Variants in SUGCT observed in about 807,000 individuals in gnomAD.
SUGCT encodes succinyl-CoA:glutarate CoA-transferase.
SUGCT carries 41 observed loss-of-function variants against 55.0 expected under a neutral mutation model. The ratio of observed to expected loss-of-function variants is 0.74; its 90% CI spans 0.58 to 0.97. SUGCT has a LOEUF of 0.97. SUGCT is among the 50% of genes least tolerant of loss of function. The pLI is 0.00. For synonymous variants in SUGCT, 187 were observed against 200.4 expected (o/e 0.93, Z 0.56); for missense variants, 568 against 547.8 (o/e 1.04, Z -0.37).
chr7:40,701,158 T>C (rs1785157293), intron 12 of SUGCT, among the ~76,000 whole-genome samples: 1 of 152,216 alleles, frequency 6.6e-6, no homozygotes, highest in Admixed American at 6.5e-5. Flanking sequence ...GAAACGTTTG[T>C]TGGGCTTCGT....
downstream of SUGCT, among the ~76,000 whole-genome samples, chr7:40,865,625 G>T (rs183154598): frequency 1.8e-3 from 270 of 152,312 alleles, 1 homozygote; most frequent in African/African-American, 6.1e-3. Context: ...AACAGCTTGG[G>T]TCTTGCTGTT....
intron 12 of SUGCT, among the ~76,000 whole-genome samples, chr7:40,748,408 T>C (rs1274250229): frequency 1.3e-5 from 2 of 152,064 alleles, no homozygotes; most frequent in Admixed American, 1.3e-4. Flanking sequence ...TATGATTGTA[T>C]ATGATTGTTT....
intron 7 of SUGCT, among the ~76,000 whole-genome samples, chr7:40,263,903 A>AT (rs200542575): frequency 2.8e-4 from 41 of 144,982 alleles, no homozygotes; most frequent in East Asian, 1.0e-3. Context: ...TCAATTCGTC[A>AT]TTTTTTTTTT....
chr7:40,823,496 T>C (rs970844407), intron 13 of SUGCT, among the ~76,000 whole-genome samples: 1 of 152,146 alleles, frequency 6.6e-6, no homozygotes, highest in Non-Finnish European at 1.5e-5. Flanking sequence ...TAACTGTCGT[T>C]TCACATGTGT....
At chr7:40,992,266 C>T in the SUGCT span, among the ~76,000 whole-genome samples, 2 of 152,270 alleles carry the variant, frequency 1.3e-5, no homozygotes, top group African/African-American at 2.4e-5. Flanking sequence ...TATAAACTGT[C>T]ATGACACTGG....
chr7:40,822,534 C>A (rs1792078403), intron 13 of SUGCT, among the ~76,000 whole-genome samples: 1 of 152,028 alleles, frequency 6.6e-6, no homozygotes, highest in Non-Finnish European at 1.5e-5. Context: ...TTCTTTGTCC[C>A]TTTTGATCTT....
chr7:41,033,183 T>C, the SUGCT span, among the ~76,000 whole-genome samples: 4 of 152,324 alleles, frequency 2.6e-5, no homozygotes, highest in Admixed American at 1.3e-4. Context: ...CAGGAACCAT[T>C]AGCTCTCTCA....
intron 11 of SUGCT, among the ~76,000 whole-genome samples, chr7:40,463,775 T>C (rs1490597530): frequency 6.6e-6 from 1 of 152,186 alleles, no homozygotes; most frequent in African/African-American, 2.4e-5. Flanking sequence ...GTAGAAGACT[T>C]TCCCCTGGAG....
chr7:40,272,182 A>ATG (rs1792101173), intron 7 of SUGCT, among the ~76,000 whole-genome samples: 1 of 65,620 alleles, frequency 1.5e-5, no homozygotes, highest in Non-Finnish European at 2.8e-5. Context: ...ATATATATAT[A>ATG]TATATATATA....
chr7:40,224,304 T>C (rs1788200851), intron 6 of SUGCT, among the ~76,000 whole-genome samples: 1 of 152,114 alleles, frequency 6.6e-6, no homozygotes, highest in African/African-American at 2.4e-5. Context: ...TGAAGACAAA[T>C]TTTGCGATTT....
intron 11 of SUGCT, among the ~76,000 whole-genome samples, chr7:40,467,223 A>C (rs1030395840): frequency 6.6e-6 from 1 of 151,500 alleles, no homozygotes; most frequent in Admixed American, 6.6e-5. Context: ...AAAAAAAAAA[A>C]AAAGCATGAA....
chr7:40,765,371 A>T (rs1414759510), intron 13 of SUGCT, among the ~76,000 whole-genome samples: 1 of 151,972 alleles, frequency 6.6e-6, no homozygotes, highest in Non-Finnish European at 1.5e-5. Context: ...AACAAAAAAA[A>T]TGGCTTGAAA....
At chr7:40,813,568 G>T (rs917638316) in intron 13 of SUGCT, among the ~76,000 whole-genome samples, 1 of 152,114 alleles carries the variant, frequency 6.6e-6, no homozygotes, top group Non-Finnish European at 1.5e-5. Context: ...TTGTGTGGTG[G>T]ATCTTCCTCC....
chr7:40,429,792 G>T (rs1583658633), intron 9 of SUGCT, among the ~76,000 whole-genome samples: 1 of 152,112 alleles, frequency 6.6e-6, no homozygotes, highest in East Asian at 1.9e-4. Flanking sequence ...AAAATATTTT[G>T]CATCATTCAA....
At chr7:40,524,536 A>G (rs368454387) in intron 12 of SUGCT, among the ~76,000 whole-genome samples, 5 of 152,082 alleles carry the variant, frequency 3.3e-5, no homozygotes, top group African/African-American at 1.2e-4. Context: ...TCTCCCTCCA[A>G]TTCTTTCTGT....
At chr7:40,338,951 G>A (rs1796882620) in intron 9 of SUGCT, among the ~76,000 whole-genome samples, 1 of 152,168 alleles carries the variant, frequency 6.6e-6, no homozygotes. Context: ...CTGTTTGTTA[G>A]TTTTCCTTCT....
chr7:40,364,885 A>G (rs1395042895), intron 9 of SUGCT, among the ~76,000 whole-genome samples: 5 of 152,178 alleles, frequency 3.3e-5, no homozygotes, highest in Admixed American at 2.6e-4. Context: ...CAATAGAAAA[A>G]GAGGGAATCC....
At chr7:40,983,358 T>C in the SUGCT span, among the ~76,000 whole-genome samples, 1 of 152,220 alleles carries the variant, frequency 6.6e-6, no homozygotes, top group Admixed American at 6.5e-5. Context: ...CTGTATTGTA[T>C]TACTTTCTTT....
chr7:40,320,574 A>G (rs1236201894), intron 9 of SUGCT, among the ~76,000 whole-genome samples: 1 of 152,190 alleles, frequency 6.6e-6, no homozygotes, highest in Non-Finnish European at 1.5e-5. Context: ...ATACATGGCC[A>G]ACATGGTAAT....
Sources: gnomAD v4.1 joint callset for allele counts (sites outside exome capture counted in the v4.1 genomes callset) on GRCh38, gnomAD v4.1.1 for gene constraint, MANE v1.5 for transcripts, NCBI Gene and HGNC (gene_info 2026-07-23, HGNC 2026-07-21) for gene names.